SKAP1: variants seen among roughly 807,000 people sequenced by gnomAD.
The protein encoded by SKAP1 is src kinase-associated phosphoprotein 1.
Under a neutral mutation model 58.5 loss-of-function variants are expected in SKAP1, and 44 were observed. The ratio of observed to expected loss-of-function variants is 0.75; its 90% CI spans 0.59 to 0.97. SKAP1 has a LOEUF of 0.97. SKAP1 is among the 50% of genes least tolerant of loss of function. The probability of loss-of-function intolerance (pLI) is 0.00; values close to 1 mark genes in which losing one functional copy is unlikely to be tolerated. For missense variants in SKAP1, 390 were observed against 435.2 expected (o/e 0.90, Z 0.92); for synonymous variants, 127 against 149.7 (o/e 0.85, Z 1.11).
intron 4 of SKAP1, among the ~76,000 whole-genome samples, chr17:48,278,191 A>G (rs929000436): frequency 1.3e-5 from 2 of 152,102 alleles, no homozygotes; most frequent in South Asian, 2.1e-4. Context: ...TTTTACCATA[A>G]TCATTTTCTT....
At chr17:48,398,986 A>C (rs2144540246) in intron 1 of SKAP1, among the ~76,000 whole-genome samples, 1 of 152,342 alleles carries the variant, frequency 6.6e-6, no homozygotes, top group Middle Eastern at 3.4e-3. Flanking sequence ...GCATCACTGC[A>C]CTACAGCCTG....
At chr17:48,187,562 A>G (rs2064474592) in intron 6 of SKAP1, among the ~76,000 whole-genome samples, 1 of 152,224 alleles carries the variant, frequency 6.6e-6, no homozygotes, top group African/African-American at 2.4e-5. Context: ...TTTAAAAACC[A>G]AAACATTCAA....
At chr17:48,182,727 T>G (rs1214351302) in intron 7 of SKAP1, among the ~76,000 whole-genome samples, 1 of 152,206 alleles carries the variant, frequency 6.6e-6, no homozygotes, top group Non-Finnish European at 1.5e-5. Flanking sequence ...TATTCCTTCA[T>G]CAGACATTTA....
intron 11 of SKAP1, chr17:48,156,460 G>A (rs769023712): frequency 1.9e-6 from 1 of 529,620 alleles, no homozygotes; most frequent in Non-Finnish European, 3.9e-6. Flanking sequence ...AGCCACTGAA[G>A]AGCGCTAAAC....
At chr17:48,405,193 C>A (rs1159760045) in intron 1 of SKAP1, among the ~76,000 whole-genome samples, 9 of 152,160 alleles carry the variant, frequency 5.9e-5, no homozygotes, top group Admixed American at 1.3e-4. Flanking sequence ...GGAAGCTACA[C>A]ATTTCATTTT....
intron 11 of SKAP1, among the ~76,000 whole-genome samples, chr17:48,159,775 C>G (rs1172133077): frequency 1.3e-5 from 2 of 152,110 alleles, no homozygotes; most frequent in African/African-American, 4.8e-5. Flanking sequence ...GATTGGGTGG[C>G]CTTTTAAGGT....
chr17:48,200,236 G>A (rs2064709680), intron 4 of SKAP1, among the ~76,000 whole-genome samples: 1 of 151,606 alleles, frequency 6.6e-6, no homozygotes, highest in Non-Finnish European at 1.5e-5. Flanking sequence ...GGTGGAGGTT[G>A]CGGTGAGCCG....
chr17:48,235,800 G>T (rs2065173989), intron 4 of SKAP1, among the ~76,000 whole-genome samples: 1 of 152,152 alleles, frequency 6.6e-6, no homozygotes, highest in African/African-American at 2.4e-5. Context: ...GCTTGTACTT[G>T]GACCAGTAAT....
intron 4 of SKAP1, among the ~76,000 whole-genome samples, chr17:48,226,652 A>G (rs1258879036): frequency 1.3e-5 from 2 of 152,218 alleles, no homozygotes; most frequent in Non-Finnish European, 2.9e-5. Flanking sequence ...TCACTGGCAG[A>G]TAAAGTAAGA....
intron 4 of SKAP1, among the ~76,000 whole-genome samples, chr17:48,224,027 A>G (rs909856491): frequency 3.4e-5 from 4 of 116,002 alleles, no homozygotes; most frequent in East Asian, 2.7e-4. Context: ...AGAGAGAGAG[A>G]GAGAGAGAAG....
rs1169495971 is a variant in SKAP1, at chr17:48,322,136, T to C, written c.280+23769A>G. 2.0e-5 allele frequency among the ~76,000 whole-genome samples: 3 copies of C among 152,232 alleles called. No homozygotes were observed. The East Asian group carries it at 5.8e-4, about 29-fold the overall frequency. On this transcript the variant is annotated intron_variant, in intron 4 of 12. Coordinates refer to ENST00000336915, the MANE Select transcript of SKAP1 (RefSeq NM_003726.4). ...GCCTACTACCAACTTAAAGTTTTTG[T>C]AGAATTTCCCATTCAAGATGGATTT...
intron 9 of SKAP1, among the ~76,000 whole-genome samples, chr17:48,173,541 A>G (rs770462736): frequency 1.3e-5 from 2 of 152,230 alleles, no homozygotes; most frequent in African/African-American, 2.4e-5. Flanking sequence ...GAAACATTAG[A>G]GGAAAAGTTG....
intron 4 of SKAP1, among the ~76,000 whole-genome samples, chr17:48,284,662 T>G (rs2065808227): frequency 6.6e-6 from 1 of 152,204 alleles, no homozygotes; most frequent in Non-Finnish European, 1.5e-5. Context: ...CTATACATCT[T>G]TGACAATTTT....
intron 1 of SKAP1, among the ~76,000 whole-genome samples, chr17:48,420,640 G>T (rs766189849): frequency 6.6e-6 from 1 of 152,114 alleles, no homozygotes; most frequent in African/African-American, 2.4e-5. Context: ...TTGCATGACT[G>T]TAATGTAAAC....
At chr17:48,278,607 A>C (rs1019769155) in intron 4 of SKAP1, among the ~76,000 whole-genome samples, 1 of 152,200 alleles carries the variant, frequency 6.6e-6, no homozygotes, top group Non-Finnish European at 1.5e-5. Context: ...AATGATTAAT[A>C]GTCCAGATGA....
chr17:48,349,380 G>A lies in SKAP1; in HGVS notation c.179-3374C>T, dbSNP rs2066766580. 2.0e-5 allele frequency among the ~76,000 whole-genome samples: 3 copies of A among 152,280 alleles called. No individual in the cohort carries two copies. The South Asian group carries it at 6.2e-4, about 32-fold the overall frequency. On this transcript the variant is annotated intron_variant, in intron 3 of 12. Transcript: ENST00000336915. The stretch of plus-strand genomic sequence containing the variant: ...ACAATTAGGGCTTAGAACTCTATCT[G>A]CTTAGAGTGGATTTCTCACAAGCAA...
At chr17:48,304,322 A>G (rs527508239) in intron 4 of SKAP1, among the ~76,000 whole-genome samples, 1 of 152,354 alleles carries the variant, frequency 6.6e-6, no homozygotes, top group East Asian at 1.9e-4. Flanking sequence ...GGATAAAGAC[A>G]TTTTGGAGTA....
chr17:48,356,539 A>G (rs1296666400), intron 3 of SKAP1, among the ~76,000 whole-genome samples: 2 of 152,066 alleles, frequency 1.3e-5, no homozygotes, highest in African/African-American at 4.8e-5. Flanking sequence ...GTGTTCTATG[A>G]ATTTTTGTAT....
intron 4 of SKAP1, among the ~76,000 whole-genome samples, chr17:48,211,689 C>T (rs1275863776): frequency 6.6e-6 from 1 of 152,150 alleles, no homozygotes; most frequent in Non-Finnish European, 1.5e-5. Context: ...TTCATTTATC[C>T]AGGCTGAGCC....
Sources: allele counts gnomAD v4.1 joint callset (sites outside exome capture counted in the v4.1 genomes callset), GRCh38; gene constraint gnomAD v4.1.1; transcripts MANE v1.5; gene names NCBI Gene and HGNC (gene_info 2026-07-23, HGNC 2026-07-21).